Variants in AMMECR1L observed in about 807,000 individuals in gnomAD.
AMMECR1L encodes the protein AMMECR1-like protein.
AMMECR1L carries 4 observed loss-of-function variants against 36.8 expected under a neutral mutation model. That is an observed-to-expected ratio of 0.11 (90% CI 0.05 to 0.25). The LOEUF is 0.25. Ranked by LOEUF, AMMECR1L falls within the 10% of genes least tolerant of loss-of-function variation. The pLI is 1.00. For synonymous variants in AMMECR1L, 147 were observed against 148.0 expected (o/e 0.99, Z 0.05); for missense variants, 232 against 392.1 (o/e 0.59, Z 3.45).
rs367636435 is a variant in AMMECR1L, at chr2:127,870,475, C to CA, written c.633+338dup. Among the ~76,000 whole-genome samples the CA allele has an allele frequency of 7.2e-3, 1,031 of 142,314 alleles. 6 individuals carry two copies. Among genetic ancestry groups the CA allele is most frequent in the South Asian group, 0.024 (106 of 4,478 alleles). The allele number at this position is 142,314 out of a possible 152,430, so 93.4% of individuals were successfully genotyped here. ...GGGGAACAAGAACGAAATTCCATCT[C>CA]AAAAAAAAAAACAAGCAAACAAAAA... On this transcript the variant is annotated intron_variant, in intron 5 of 7. Transcript: ENST00000272647.
Position 127,885,755 on chromosome 2 carries a change from G to A in AMMECR1L, c.-149+55C>T, listed in dbSNP as rs1207075469. On this transcript the variant is annotated intron_variant, in intron 1 of 7. Coordinates refer to ENST00000272647, the MANE Select transcript of AMMECR1L (RefSeq NM_001199140.2). ...GGCGGGCAAGGCGGCGGCGGACCGA[G>A]GGAGGCCTGGCCCGGCAGCGGGGAG... 4.1e-4 allele frequency: 401 copies of A among 984,026 alleles called. 2 individuals carry two copies. In the African/African-American group the frequency reaches 6.5e-3, roughly 16 times the overall value. The allele number at this position is 984,026 out of a possible 1,614,324, so 61.0% of individuals were successfully genotyped here.
Position 127,877,046 on chromosome 2 carries a change from T to C in AMMECR1L, c.-38-2774A>G, listed in dbSNP as rs968848722. Reference sequence around the variant, plus strand: ...ATATATATATATATACATATATATATATATATATATGTACATAAAGGGCTT... The same window carrying C: ...ATATATATATATATACATATATATACATATATATATGTACATAAAGGGCTT... On this transcript the variant is annotated intron_variant, in intron 2 of 7. Transcript: ENST00000272647. 5.4e-5 allele frequency among the ~76,000 whole-genome samples: 8 copies of C among 148,168 alleles called. 1 individual carries two copies. Among genetic ancestry groups the C allele is most frequent in the Non-Finnish European group, 1.2e-4 (8 of 67,292 alleles).
chr2:127,883,974 C>T (rs1022179463), intron 2 of AMMECR1L, among the ~76,000 whole-genome samples: 1 of 152,170 alleles, frequency 6.6e-6, no homozygotes, highest in Non-Finnish European at 1.5e-5. Flanking sequence ...GATCATGCCA[C>T]GCCACCACCT....
intron 3 of AMMECR1L, chr2:127,872,878 G>A (rs541985684): frequency 3.5e-6 from 2 of 567,502 alleles, no homozygotes; most frequent in South Asian, 7.8e-5. Flanking sequence ...TTACCCCAGG[G>A]TGACGGTTCC....
chr2:127,875,551 C>T (rs187016840), intron 2 of AMMECR1L, among the ~76,000 whole-genome samples: 3 of 152,320 alleles, frequency 2.0e-5, no homozygotes, highest in Admixed American at 6.5e-5. Context: ...AATATTTACA[C>T]ACCCATCTGC....
Position 127,882,455 on chromosome 2 carries a change from G to C in AMMECR1L, c.-39+1748C>G, listed in dbSNP as rs188025080. ...TGTCCTACTTATGGAACTATTCCAGGAAACAGTCAGAAAAACCCACATACA... is the reference window on the plus strand; with the variant it reads ...TGTCCTACTTATGGAACTATTCCAGCAAACAGTCAGAAAAACCCACATACA... On this transcript the variant is annotated intron_variant, in intron 2 of 7. Transcript: ENST00000272647. Among the ~76,000 whole-genome samples, 3 of 152,204 alleles carry C rather than the reference G, an allele frequency of 2.0e-5. No individual in the cohort carries two copies. The East Asian group carries it at 5.8e-4, about 29-fold the overall frequency.
chr2:127,871,465 CCT>C lies in AMMECR1L; in HGVS notation c.408-108_408-107del, dbSNP rs1383055158. The C allele has an allele frequency of 5.1e-6, 6 of 1,181,672 alleles. No individual in the cohort carries two copies. In the Admixed American group the frequency reaches 6.4e-5, roughly 13 times the overall value. 73.2% of individuals were successfully genotyped at this position (1,181,672 alleles called of 1,614,324 possible). ...TTCATTTCTGTTATTGCCAAAAATC[CCT>C]GTTTTTGGACTTGCCAGCTACCCGA... is the stretch of plus-strand genomic sequence containing the variant. On this transcript the variant is annotated intron_variant, in intron 3 of 7. Transcript: ENST00000272647. This position sits in a 1 kb window ranked among gnomAD's most constrained non-coding sequence, Gnocchi z 4.3.
In AMMECR1L at chr2:127,862,997, C is replaced by T. The variant is rs1470217424; in HGVS notation, c.*2097G>A. On this transcript the variant is annotated 3_prime_UTR_variant, in exon 8 of 8. Coordinates refer to ENST00000272647, the MANE Select transcript of AMMECR1L (RefSeq NM_001199140.2). ...CATGGCACTGTAAATGCTTGCATGA[C>T]CAGTCTCACTGAGCGTGCTCAGGGG... The T allele has an allele frequency of 6.6e-6, 1 of 152,544 alleles. No individual in the cohort carries two copies. The highest frequency in any genetic ancestry group is 1.5e-5 in the Non-Finnish European group (1 of 68,040). The allele number at this position is 152,544 out of a possible 1,614,324, so 9.4% of individuals were successfully genotyped here.
At chr2:127,882,193 C>T (rs1027857085) in intron 2 of AMMECR1L, among the ~76,000 whole-genome samples, 6 of 152,060 alleles carry the variant, frequency 3.9e-5, no homozygotes, top group Non-Finnish European at 8.8e-5. Flanking sequence ...GAAGACAAGC[C>T]TCAAAACAGC....
intron 2 of AMMECR1L, among the ~76,000 whole-genome samples, chr2:127,876,985 C>G (rs542805215): frequency 6.6e-6 from 1 of 150,718 alleles, no homozygotes; most frequent in Non-Finnish European, 1.5e-5. Flanking sequence ...CCACTGCACT[C>G]CAGCCTGGGC....
Position 127,873,314 on chromosome 2 carries a change from G to T in AMMECR1L, c.407+514C>A, listed in dbSNP as rs1325476505. The T allele has an allele frequency of 1.4e-5, 14 of 985,358 alleles. No individual in the cohort carries two copies. The highest frequency in any genetic ancestry group is 1.7e-5 in the Non-Finnish European group (14 of 829,952). 61.0% of individuals were successfully genotyped at this position (985,358 alleles called of 1,614,324 possible). A position where few individuals can be genotyped will look rare whatever the true frequency, so the allele number is the denominator to read the frequency against. On this transcript the variant is annotated intron_variant, in intron 3 of 7. Coordinates refer to ENST00000272647, the MANE Select transcript of AMMECR1L (RefSeq NM_001199140.2). The surrounding 1 kb of genome is among the most constrained non-coding windows in gnomAD (Gnocchi z 5.2). The stretch of plus-strand genomic sequence containing the variant: ...AGAATCTTGAACTAAAAATACTGAA[G>T]CAGATTCTGACTTCTTGATGGGATG...
chr2:127,873,443 G>T lies in AMMECR1L; in HGVS notation c.407+385C>A. The T allele has an allele frequency of 1.0e-6, 1 of 985,442 alleles. No homozygotes were observed. Among genetic ancestry groups the T allele is most frequent in the Non-Finnish European group, 1.2e-6 (1 of 829,936 alleles). The allele number at this position is 985,442 out of a possible 1,614,324, so 61.0% of individuals were successfully genotyped here. On this transcript the variant is annotated intron_variant, in intron 3 of 7. Coordinates refer to ENST00000272647, the MANE Select transcript of AMMECR1L (RefSeq NM_001199140.2). This position sits in a 1 kb window ranked among gnomAD's most constrained non-coding sequence, Gnocchi z 5.2. ...AGTGAATGAGAGCTCCTAGTCTCCA[G>T]CCTGGCCCTCAGACTTCCAACTCAC...
At chr2:127,875,425 T>C (rs913034182) in intron 2 of AMMECR1L, among the ~76,000 whole-genome samples, 4 of 152,266 alleles carry the variant, frequency 2.6e-5, no homozygotes, top group South Asian at 4.1e-4. Flanking sequence ...AGATTTGCGC[T>C]GTCCTACCTA....
At chr2:127,885,051 T>G (rs13421416) in intron 1 of AMMECR1L, 211,830 of 518,066 alleles carry the variant, frequency 0.41, 46,536 homozygotes, top group African/African-American at 0.77. Context: ...ACAGGGAATG[T>G]AGGAGGGCAA....
chr2:127,873,208 G>C lies in AMMECR1L; in HGVS notation c.407+620C>G. 1.0e-6 allele frequency: 1 copy of C among 985,454 alleles called. No homozygotes were observed. Among genetic ancestry groups the C allele is most frequent in the East Asian group, 1.1e-4 (1 of 8,820 alleles). The allele number at this position is 985,454 out of a possible 1,614,324, so 61.0% of individuals were successfully genotyped here. On this transcript the variant is annotated intron_variant, in intron 3 of 7. Coordinates refer to ENST00000272647, the MANE Select transcript of AMMECR1L (RefSeq NM_001199140.2). The surrounding 1 kb of genome is among the most constrained non-coding windows in gnomAD (Gnocchi z 5.2). ...AATTCTGAGGAAGAAGAAAATGCTA[G>C]CATGGAATTCTTCAGTTTACTTTAT...
At chr2:127,867,102 T>C (rs1558990752) in intron 6 of AMMECR1L, 106 bp from the exon 7 acceptor site, 3 of 1,546,814 alleles carry the variant, frequency 1.9e-6, no homozygotes, top group Non-Finnish European at 2.6e-6. Context: ...AGCAGCCGAG[T>C]CTGCTAAGGC....
intron 6 of AMMECR1L, among the ~76,000 whole-genome samples, chr2:127,868,500 T>G (rs1190104488): frequency 2.0e-5 from 3 of 152,194 alleles, no homozygotes; most frequent in African/African-American, 7.2e-5. Flanking sequence ...TGATATACAC[T>G]TCACCGGGTA....
rs1465401647 is a variant in AMMECR1L, at chr2:127,862,220, G to C, written c.*2874C>G. ...CCAAAAGGCACTCACAGCTAGGGAT[G>C]AAACGAACTCCGAACCAAGCCAGAG... is the stretch of plus-strand genomic sequence containing the variant. On this transcript the variant is annotated 3_prime_UTR_variant, in exon 8 of 8. Coordinates refer to ENST00000272647, the MANE Select transcript of AMMECR1L (RefSeq NM_001199140.2). 3.3e-5 allele frequency: 5 copies of C among 153,764 alleles called. No homozygotes were observed. In the Admixed American group the frequency reaches 3.3e-4, roughly 10 times the overall value. 9.5% of individuals were successfully genotyped at this position (153,764 alleles called of 1,614,324 possible).
intron 2 of AMMECR1L, among the ~76,000 whole-genome samples, chr2:127,876,844 C>T (rs566762749): frequency 1.1e-3 from 174 of 151,938 alleles, no homozygotes; most frequent in African/African-American, 4.0e-3. Context: ...ATGGAGAAAC[C>T]TCATCTCTAC....
Sources: allele counts gnomAD v4.1 joint callset (sites outside exome capture counted in the v4.1 genomes callset), GRCh38; gene constraint gnomAD v4.1.1; non-coding constraint Gnocchi (gnomAD v3.1); transcripts MANE v1.5; gene names NCBI Gene and HGNC (gene_info 2026-07-23, HGNC 2026-07-21).